Variants in GPC5 observed in about 807,000 individuals in gnomAD.
GPC5 encodes the protein glypican-5.
Under a neutral mutation model 53.9 loss-of-function variants are expected in GPC5, and 47 were observed. That is an observed-to-expected ratio of 0.87 (90% CI 0.69 to 1.11). GPC5 has a LOEUF of 1.11. GPC5 is among the 50% of genes most tolerant of loss of function. The probability of loss-of-function intolerance (pLI) is 0.00; values close to 1 mark genes in which losing one functional copy is unlikely to be tolerated. For missense variants in GPC5, 748 were observed against 713.1 expected (o/e 1.05, Z -0.56); for synonymous variants, 286 against 263.3 (o/e 1.09, Z -0.84).
chr13:92,095,178 G>A (rs989190506), intron 6 of GPC5, among the ~76,000 whole-genome samples: 21 of 152,182 alleles, frequency 1.4e-4, no homozygotes, highest in Non-Finnish European at 3.1e-4. Context: ...ATAGAGGCAA[G>A]GAATATACAT....
chr13:91,764,913 G>A (rs535723685), intron 5 of GPC5, among the ~76,000 whole-genome samples: 3 of 152,298 alleles, frequency 2.0e-5, no homozygotes, highest in African/African-American at 4.8e-5. Context: ...AACAGCTGAT[G>A]CCCTAGTGCT....
rs78287258 is a variant in GPC5 at position 92,694,125 on chromosome 13, G to T, written c.1562-172157G>T. On this transcript the variant is annotated intron_variant, in intron 7 of 7. Transcript: ENST00000377067. ...GCCTGCAGGTATGCAGAAGACAAGG[G>T]AGCACAATGCCTAGATTTCAAAGGA... Among the ~76,000 whole-genome samples the T allele has an allele frequency of 6.2e-3, 939 of 152,306 alleles. 36 individuals are homozygous for T. In the South Asian group the frequency reaches 0.089, roughly 14 times the overall value.
chr13:91,680,565 C>A (rs542748810), intron 2 of GPC5, among the ~76,000 whole-genome samples: 5 of 152,248 alleles, frequency 3.3e-5, no homozygotes, highest in South Asian at 4.1e-4. Flanking sequence ...GTAAGAGAAC[C>A]ATTCATAATA....
At chr13:91,401,380 T>C (rs913151390) in intron 1 of GPC5, among the ~76,000 whole-genome samples, 1 of 152,152 alleles carries the variant, frequency 6.6e-6, no homozygotes, top group African/African-American at 2.4e-5. Flanking sequence ...TTTGTATTTA[T>C]ATATGATCTA....
At position 91,918,918 on chromosome 13, in the gene GPC5, C is replaced by T. The variant is rs199606910; in HGVS notation, c.1401+10861C>T. Reference sequence around the variant, plus strand: ...TGCATTTCCCTCTCTCATGGCTTCACGGTAGCTGCCTAATTATCTTCTTCC... The same window carrying T: ...TGCATTTCCCTCTCTCATGGCTTCATGGTAGCTGCCTAATTATCTTCTTCC... On this transcript the variant is annotated intron_variant, in intron 6 of 7. Coordinates refer to ENST00000377067, the MANE Select transcript of GPC5 (RefSeq NM_004466.6). 2.3e-4 allele frequency among the ~76,000 whole-genome samples: 35 copies of T among 152,244 alleles called. No homozygotes were observed. The East Asian group carries it at 4.4e-3, about 19-fold the overall frequency.
intron 7 of GPC5, among the ~76,000 whole-genome samples, chr13:92,417,733 T>TA (rs971108753): frequency 1.4e-4 from 21 of 151,172 alleles, no homozygotes; most frequent in African/African-American, 2.9e-4. Context: ...CCACAGAAAA[T>TA]AAAAAAAATT....
At position 92,607,475 on chromosome 13, in the gene GPC5, A is replaced by C. The variant is rs762655628; in HGVS notation, c.1562-258807A>C. Among the ~76,000 whole-genome samples the C allele has an allele frequency of 7.2e-5, 11 of 152,312 alleles. No homozygotes were observed. In the Middle Eastern group the frequency reaches 0.01, roughly 141 times the overall value. On this transcript the variant is annotated intron_variant, in intron 7 of 7. Transcript: ENST00000377067. ...AGAGAATGGAAAACGACAGAAAAAA[A>C]AAATTTCAATCTCAGACATAAAAAT...
chr13:91,739,772 T>C (rs917066503), intron 4 of GPC5, among the ~76,000 whole-genome samples: 1 of 151,402 alleles, frequency 6.6e-6, no homozygotes, highest in African/African-American at 2.5e-5. Context: ...TACTATTGTT[T>C]TTGCAATATT....
intron 7 of GPC5, among the ~76,000 whole-genome samples, chr13:92,276,834 T>C (rs1022889064): frequency 2.6e-4 from 39 of 152,090 alleles, no homozygotes; most frequent in African/African-American, 7.5e-4. Flanking sequence ...CTCAGTGGAA[T>C]TGAAAGCATT....
intron 2 of GPC5, among the ~76,000 whole-genome samples, chr13:91,552,317 G>T (rs937549168): frequency 1.3e-5 from 2 of 151,962 alleles, no homozygotes; most frequent in African/African-American, 4.8e-5. Context: ...ACACAGCTCC[G>T]TGAATAAGCA....
chr13:92,676,643 T>C (rs1254265280), intron 7 of GPC5, among the ~76,000 whole-genome samples: 1 of 152,180 alleles, frequency 6.6e-6, no homozygotes, highest in African/African-American at 2.4e-5. Context: ...CTCTTAGGTT[T>C]GTGGAGACAG....
intron 6 of GPC5, among the ~76,000 whole-genome samples, chr13:91,912,376 A>G (rs1253089709): frequency 1.3e-5 from 2 of 152,144 alleles, no homozygotes. Context: ...ACAAAGAATA[A>G]TGAATGCTCA....
intron 7 of GPC5, among the ~76,000 whole-genome samples, chr13:92,846,344 G>A (rs1222756777): frequency 1.3e-5 from 2 of 152,228 alleles, no homozygotes; most frequent in Non-Finnish European, 2.9e-5. Context: ...AGATTTGGGT[G>A]GGGACACAGA....
intron 7 of GPC5, among the ~76,000 whole-genome samples, chr13:92,422,777 A>T (rs1227301017): frequency 6.6e-6 from 1 of 152,210 alleles, no homozygotes; most frequent in Admixed American, 6.5e-5. Flanking sequence ...TATAATTTCT[A>T]AGACCAAAAG....
At chr13:92,153,173 C>T (rs1472929869) in intron 7 of GPC5, among the ~76,000 whole-genome samples, 1 of 152,118 alleles carries the variant, frequency 6.6e-6, no homozygotes, top group African/African-American at 2.4e-5. Flanking sequence ...GTCTCTGTCA[C>T]CTAGGCTGGA....
At chr13:92,290,731 C>G (rs1594073209) in intron 7 of GPC5, among the ~76,000 whole-genome samples, 1 of 152,190 alleles carries the variant, frequency 6.6e-6, no homozygotes, top group African/African-American at 2.4e-5. Context: ...TGCTGGCAGT[C>G]CTCACAGCTC....
chr13:92,090,357 G>A (rs562087245), intron 6 of GPC5, among the ~76,000 whole-genome samples: 13 of 152,118 alleles, frequency 8.5e-5, no homozygotes, highest in Admixed American at 7.9e-4. Context: ...TGCAGGTGGG[G>A]CCTTAGAGGG....
At chr13:91,473,958 A>G (rs1338763826) in intron 2 of GPC5, among the ~76,000 whole-genome samples, 1 of 152,164 alleles carries the variant, frequency 6.6e-6, no homozygotes, top group African/African-American at 2.4e-5. Flanking sequence ...GCATGAAACA[A>G]TATTGTAGTT....
At chr13:92,052,793 A>G (rs2041041251) in intron 6 of GPC5, among the ~76,000 whole-genome samples, 1 of 152,172 alleles carries the variant, frequency 6.6e-6, no homozygotes, top group Admixed American at 6.5e-5. Context: ...TTATACAGCA[A>G]GAGATTCTCA....
Sources: allele counts gnomAD v4.1 joint callset (sites outside exome capture counted in the v4.1 genomes callset), GRCh38; gene constraint gnomAD v4.1.1; transcripts MANE v1.5; gene names NCBI Gene and HGNC (gene_info 2026-07-23, HGNC 2026-07-21).